The following TENM3 variants were observed in gnomAD, a reference collection of about 807,000 sequenced individuals.
TENM3 encodes teneurin-3.
TENM3 carries 63 observed loss-of-function variants against 255.1 expected under a neutral mutation model. The ratio of observed to expected loss-of-function variants is 0.25; its 90% CI spans 0.20 to 0.30. The LOEUF is 0.30. TENM3 is among the 10% of genes least tolerant of loss of function. TENM3 has a pLI of 1.00. For synonymous variants in TENM3, 1,306 were observed against 1,322.3 expected (o/e 0.99, Z 0.27); for missense variants, 2,929 against 3,461.1 (o/e 0.85, Z 3.86).
chr4:182,542,033 A>G (rs1431763619), intron 3 of TENM3, among the ~76,000 whole-genome samples: 1 of 152,176 alleles, frequency 6.6e-6, no homozygotes, highest in East Asian at 1.9e-4. Context: ...ACTGCATTCC[A>G]GCCTGGGCGA....
chr4:181,741,644 C>A, the TENM3 span, among the ~76,000 whole-genome samples: 1 of 152,076 alleles, frequency 6.6e-6, no homozygotes, highest in Non-Finnish European at 1.5e-5. Flanking sequence ...TTTCTTTGTA[C>A]GTGTTGGATG....
intron 3 of TENM3, among the ~76,000 whole-genome samples, chr4:182,529,226 C>T (rs966926610): frequency 4.6e-5 from 7 of 152,024 alleles, no homozygotes; most frequent in Non-Finnish European, 1.0e-4. Flanking sequence ...GGAGGGAGGG[C>T]GGAGAACATT....
intron 5 of TENM3, among the ~76,000 whole-genome samples, chr4:182,639,941 T>A (rs1160455291): frequency 6.6e-6 from 1 of 152,040 alleles, no homozygotes; most frequent in Non-Finnish European, 1.5e-5. Context: ...ATACAAAAAA[T>A]TAGCCGGGCG....
chr4:182,693,269 A>C (rs62337070), intron 12 of TENM3, among the ~76,000 whole-genome samples: 28,055 of 152,076 alleles, frequency 0.18, 3,208 homozygotes, highest in Non-Finnish European at 0.27. Context: ...ATGGGCTTTG[A>C]CATTTTAAAT....
the TENM3 span, among the ~76,000 whole-genome samples, chr4:181,508,155 C>T: frequency 1.3e-5 from 2 of 152,164 alleles, no homozygotes; most frequent in African/African-American, 2.4e-5. Flanking sequence ...GTAGCTTACT[C>T]CCATGATTCA....
chr4:181,568,283 C>A, the TENM3 span, among the ~76,000 whole-genome samples: 2 of 151,858 alleles, frequency 1.3e-5, no homozygotes, highest in East Asian at 1.9e-4. Context: ...CCTGCCTCAG[C>A]CTCCCGAGTA....
At chr4:181,607,531 C>T in the TENM3 span, among the ~76,000 whole-genome samples, 3 of 151,932 alleles carry the variant, frequency 2.0e-5, no homozygotes, top group African/African-American at 7.3e-5. Flanking sequence ...TCTCCTGCCT[C>T]AGCCTCCCGA....
chr4:181,948,538 C>T, the TENM3 span, among the ~76,000 whole-genome samples: 1 of 152,052 alleles, frequency 6.6e-6, no homozygotes, highest in African/African-American at 2.4e-5. Flanking sequence ...GCCTCAGCCT[C>T]CTGAGTAGCT....
intron 3 of TENM3, among the ~76,000 whole-genome samples, chr4:182,358,008 G>C (rs1229485389): frequency 6.7e-6 from 1 of 149,604 alleles, no homozygotes; most frequent in African/African-American, 2.5e-5. Flanking sequence ...TCTCAGGTTT[G>C]TCAAAGATCA....
upstream of TENM3, among the ~76,000 whole-genome samples, chr4:182,240,728 G>T (rs565746048): frequency 2.0e-5 from 3 of 152,284 alleles, no homozygotes; most frequent in South Asian, 6.2e-4. Context: ...CATTCCCCAT[G>T]GACACAGCCT....
At chr4:182,744,951 A>G (rs961145887) in intron 19 of TENM3, among the ~76,000 whole-genome samples, 1 of 152,214 alleles carries the variant, frequency 6.6e-6, no homozygotes, top group Non-Finnish European at 1.5e-5. Context: ...GATAGAAAAA[A>G]AAAGGCGGAG....
the TENM3 span, among the ~76,000 whole-genome samples, chr4:181,960,197 G>A: frequency 2.6e-5 from 4 of 152,180 alleles, no homozygotes; most frequent in Admixed American, 6.5e-5. Context: ...TAGCATTAAT[G>A]TTGTAGGAAG....
chr4:182,391,250 G>C (rs1356807130), intron 3 of TENM3, among the ~76,000 whole-genome samples: 1 of 152,094 alleles, frequency 6.6e-6, no homozygotes. Flanking sequence ...TGAGAAGAGG[G>C]CAAGAGTCTC....
the TENM3 span, among the ~76,000 whole-genome samples, chr4:182,128,010 T>A: frequency 1.3e-5 from 2 of 152,102 alleles, no homozygotes; most frequent in African/African-American, 4.8e-5. Flanking sequence ...TGAAAAAAAA[T>A]TTCTTTATAG....
chr4:182,680,567 G>A lies in TENM3; in HGVS notation c.1664G>A (p.Gly555Asp), dbSNP rs567520242. Residue 555 changes from glycine to aspartate, a missense_variant, in exon 10 of 28, where the codon GGC (glycine) becomes GAC (aspartate). Gly to Asp is a moderately conservative substitution (Grantham distance 94). Coordinates refer to ENST00000511685, the MANE Select transcript of TENM3 (RefSeq NM_001080477.4). The part of the protein sequence containing the change: ...SRAACPVLCS[G>D]NGQYSKGRCL... Reference sequence around the variant, plus strand: ...GCCGCCTGTCCAGTGTTATGTAGTGGCAACGGGCAGTACTCCAAGGGCCGC... The same window carrying A: ...GCCGCCTGTCCAGTGTTATGTAGTGACAACGGGCAGTACTCCAAGGGCCGC... 5.8e-5 allele frequency: 94 copies of A among 1,613,546 alleles called. No homozygotes were observed. Among genetic ancestry groups the A allele is most frequent in the Non-Finnish European group, 7.5e-5 (88 of 1,179,840 alleles).
At chr4:182,110,413 T>A in the TENM3 span, among the ~76,000 whole-genome samples, 2 of 151,960 alleles carry the variant, frequency 1.3e-5, no homozygotes, top group Non-Finnish European at 2.9e-5. Flanking sequence ...CAACCTCCAC[T>A]TCCCAGGCTC....
At chr4:181,854,173 A>G in the TENM3 span, among the ~76,000 whole-genome samples, 13 of 152,214 alleles carry the variant, frequency 8.5e-5, no homozygotes, top group African/African-American at 3.1e-4. Context: ...TCCACTGATC[A>G]TCAGTCACAA....
upstream of TENM3, chr4:182,144,643 T>TC (rs1216179421): frequency 7.0e-6 from 1 of 141,984 alleles, no homozygotes; most frequent in African/African-American, 2.6e-5. Context: ...GGGGCCCCCC[T>TC]CCCCCGCGCC....
chr4:181,863,733 T>C, the TENM3 span, among the ~76,000 whole-genome samples: 1 of 152,212 alleles, frequency 6.6e-6, no homozygotes, highest in South Asian at 2.1e-4. Context: ...CTTCCATCTC[T>C]TTATGGAAGT....
Sources: allele counts gnomAD v4.1 joint callset (sites outside exome capture counted in the v4.1 genomes callset), GRCh38; gene constraint gnomAD v4.1.1; transcripts MANE v1.5; gene names NCBI Gene and HGNC (gene_info 2026-07-23, HGNC 2026-07-21).